AKR1E2: variants seen among roughly 807,000 people sequenced by gnomAD.
AKR1E2 encodes aldo-keto reductase family 1 member E2, also known as 1,5-anhydro-D-fructose reductase.
AKR1E2 carries 43 observed loss-of-function variants against 41.9 expected under a neutral mutation model. The ratio of observed to expected loss-of-function variants is 1.03; its 90% CI spans 0.80 to 1.32. The LOEUF (loss-of-function observed/expected upper bound fraction) is 1.32. Among genes scored for constraint, AKR1E2 ranks in the 40% most tolerant of loss-of-function variants. The probability of loss-of-function intolerance (pLI) is 0.00; values close to 1 mark genes in which losing one functional copy is unlikely to be tolerated. For missense variants in AKR1E2, 423 were observed against 396.5 expected, an observed-to-expected ratio of 1.07 and a Z score of -0.57; for synonymous variants, 121 against 138.9, an observed-to-expected ratio of 0.87 and a Z score of 0.91.
intron 3 of AKR1E2, among the ~76,000 whole-genome samples, chr10:4,833,704 T>G (rs1833167772): frequency 6.6e-6 from 1 of 152,056 alleles, no homozygotes; most frequent in African/African-American, 2.4e-5. Flanking sequence ...AGCCAGTCGC[T>G]TTTTTTCCAA....
intron 8 of AKR1E2, 35 bp from the exon 9 acceptor site, chr10:4,847,113 C>G: frequency 1.2e-6 from 2 of 1,613,048 alleles, no homozygotes; most frequent in South Asian, 2.2e-5. Flanking sequence ...GTGAATTAAA[C>G]TAAGTTTTCT....
the AKR1E2 span, among the ~76,000 whole-genome samples, chr10:4,857,578 T>C: frequency 6.6e-6 from 1 of 152,248 alleles, no homozygotes; most frequent in East Asian, 1.9e-4. Flanking sequence ...CTCTTTTCTT[T>C]GTAAATTACC....
At chr10:4,829,414 G>T (rs534981040) in intron 1 of AKR1E2, among the ~76,000 whole-genome samples, 84 of 152,238 alleles carry the variant, frequency 5.5e-4, no homozygotes, top group African/African-American at 1.9e-3. Context: ...TTTTGCAACG[G>T]TATTCATGAA....
chr10:4,841,971 C>T lies in AKR1E2; in HGVS notation c.753+114C>T, dbSNP rs1200896627. 5.7e-6 allele frequency: 5 copies of T among 881,406 alleles called. No homozygotes were observed. In the African/African-American group the frequency reaches 8.5e-5, roughly 15 times the overall value. 54.6% of individuals were successfully genotyped at this position (881,406 alleles called of 1,614,324 possible). ...AGGGACTGGCTCACCCAGGTGAGTCCATGACTCATTAGAACCTCCCAGCGT... is the reference window on the plus strand; with the variant it reads ...AGGGACTGGCTCACCCAGGTGAGTCTATGACTCATTAGAACCTCCCAGCGT... On this transcript the variant is annotated intron_variant, in intron 7 of 9. Transcript: ENST00000298375.
chr10:4,835,470 C>T (rs1353852749), intron 3 of AKR1E2, among the ~76,000 whole-genome samples: 2 of 152,160 alleles, frequency 1.3e-5, no homozygotes, highest in Non-Finnish European at 2.9e-5. Context: ...GAACAGTGAA[C>T]ATCAGGCTGG....
intron 3 of AKR1E2, among the ~76,000 whole-genome samples, chr10:4,834,179 C>T (rs1833206012): frequency 6.6e-6 from 1 of 152,230 alleles, no homozygotes; most frequent in Non-Finnish European, 1.5e-5. Flanking sequence ...GAAGCCCTTG[C>T]AGGGATGTTC....
Position 4,837,511 on chromosome 10 carries a change from A to G in AKR1E2, c.512A>G (p.Asn171Ser), listed in dbSNP as rs766052880. The G allele has an allele frequency of 1.2e-6, 2 of 1,614,064 alleles. No homozygotes were observed. Among genetic ancestry groups the G allele is most frequent in the Admixed American group, 1.7e-5 (1 of 60,006 alleles). ...TGLVKNIGVSNFNHEQLERLL... is the reference protein window; with the variant it reads ...TGLVKNIGVSSFNHEQLERLL... ...CTGGTGAAGAACATCGGGGTGTCAA[A>G]CTTCAACCATGAACAGCTTGAGAGG... The change falls in exon 5 of 10, where the codon AAC becomes AGC. Residue 171 changes from asparagine to serine, a missense_variant. Asn to Ser is a conservative substitution (Grantham distance 46). Coordinates refer to ENST00000298375, the MANE Select transcript of AKR1E2 (RefSeq NM_001040177.3).
chr10:4,865,785 CT>C, the AKR1E2 span, among the ~76,000 whole-genome samples: 1 of 152,224 alleles, frequency 6.6e-6, no homozygotes, highest in East Asian at 1.9e-4. Context: ...GGACTTGAGC[CT>C]TTAATTACTG....
At position 4,835,812 on chromosome 10, in the gene AKR1E2, G is replaced by A; in HGVS notation, c.459+3G>A. The A allele has an allele frequency of 1.9e-6, 3 of 1,613,652 alleles. No individual in the cohort carries two copies. Among genetic ancestry groups the A allele is most frequent in the Non-Finnish European group, 2.5e-6 (3 of 1,179,932 alleles). ...CGGACTTCCTGGACACGTGGGAGGT[G>A]AGCTGAGCCACACCACCAGGCAGCC... On this transcript the variant is annotated splice_donor_region_variant and intron_variant, in intron 4 of 9. Coordinates refer to ENST00000298375, the MANE Select transcript of AKR1E2 (RefSeq NM_001040177.3).
At chr10:4,865,811 G>C in the AKR1E2 span, among the ~76,000 whole-genome samples, 1 of 152,130 alleles carries the variant, frequency 6.6e-6, no homozygotes, top group African/African-American at 2.4e-5. Context: ...TTAACAAAAA[G>C]AGTCCACCCC....
At chr10:4,854,351 C>G in the AKR1E2 span, among the ~76,000 whole-genome samples, 2 of 152,132 alleles carry the variant, frequency 1.3e-5, no homozygotes, top group African/African-American at 4.8e-5. Flanking sequence ...CTTGGCCTCC[C>G]AAAGTGCTGG....
chr10:4,853,128 A>G, the AKR1E2 span, among the ~76,000 whole-genome samples: 1 of 152,250 alleles, frequency 6.6e-6, no homozygotes, highest in Admixed American at 6.5e-5. Flanking sequence ...ATTGTAGCAT[A>G]TAGTAACCAG....
At chr10:4,842,574 A>AT in intron 8 of AKR1E2, 70 bp downstream of exon 8, 15 of 1,428,928 alleles carry the variant, frequency 1.0e-5, no homozygotes, top group Non-Finnish European at 1.4e-5. Flanking sequence ...TGACTGCTGT[A>AT]GCATACAGCC....
At chr10:4,869,403 A>G in the AKR1E2 span, among the ~76,000 whole-genome samples, 1 of 151,986 alleles carries the variant, frequency 6.6e-6, no homozygotes, top group Non-Finnish European at 1.5e-5. Flanking sequence ...TTGGTAGTCT[A>G]TATCTTCTCT....
chr10:4,866,079 G>A, the AKR1E2 span, among the ~76,000 whole-genome samples: 3 of 152,174 alleles, frequency 2.0e-5, no homozygotes, highest in Non-Finnish European at 4.4e-5. Flanking sequence ...CAGTTTCAGA[G>A]AACAGCATGT....
downstream of AKR1E2, among the ~76,000 whole-genome samples, chr10:4,852,348 T>G (rs919755959): frequency 6.6e-6 from 1 of 152,192 alleles, no homozygotes; most frequent in African/African-American, 2.4e-5. Flanking sequence ...TGAAAAAGGC[T>G]CCTTCTCTTG....
chr10:4,825,468 C>T (rs1301864480), upstream of AKR1E2, among the ~76,000 whole-genome samples: 1 of 152,152 alleles, frequency 6.6e-6, no homozygotes, highest in East Asian at 1.9e-4. Flanking sequence ...CCAGTCCACC[C>T]CATCCACTTC....
At chr10:4,856,041 C>A in the AKR1E2 span, among the ~76,000 whole-genome samples, 2 of 152,160 alleles carry the variant, frequency 1.3e-5, no homozygotes, top group African/African-American at 2.4e-5. Context: ...CCCAAACTTA[C>A]CAAGGTTTTT....
intron 3 of AKR1E2, among the ~76,000 whole-genome samples, chr10:4,834,702 C>G (rs1833264159): frequency 6.6e-6 from 1 of 152,336 alleles, no homozygotes; most frequent in South Asian, 2.1e-4. Flanking sequence ...ATGCTCAGGT[C>G]AGACATTTGT....
Sources: gnomAD v4.1 joint callset for allele counts (sites outside exome capture counted in the v4.1 genomes callset) on GRCh38, gnomAD v4.1.1 for gene constraint, MANE v1.5 for transcripts, NCBI Gene and HGNC (gene_info 2026-07-23, HGNC 2026-07-21) for gene names.